CTNNA3: variants seen among roughly 807,000 people sequenced by gnomAD.
CTNNA3 encodes the protein catenin alpha 3.
Under a neutral mutation model 95.7 loss-of-function variants are expected in CTNNA3, and 76 were observed. The observed-to-expected ratio is 0.79, with a 90% CI of 0.66 to 0.96. The LOEUF (loss-of-function observed/expected upper bound fraction) is 0.96, where lower values mean the gene tolerates loss of function less well. Ranked by LOEUF, CTNNA3 falls within the 40% of genes least tolerant of loss-of-function variation. The pLI, the probability that CTNNA3 is intolerant of heterozygous loss-of-function variation, is 0.00. For missense variants in CTNNA3, 1,191 were observed against 1,089.8 expected (o/e 1.09, Z -1.31); for synonymous variants, 431 against 374.4 (o/e 1.15, Z -1.74).
At chr10:67,514,173 GC>G (rs533649786) in intron 5 of CTNNA3, among the ~76,000 whole-genome samples, 68 of 152,228 alleles carry the variant, frequency 4.5e-4, no homozygotes, top group African/African-American at 1.5e-3. Flanking sequence ...GGTGGTGGAT[GC>G]CTGTAATTCC....
At chr10:66,801,220 A>G (rs1271622525) in intron 7 of CTNNA3, among the ~76,000 whole-genome samples, 1 of 151,450 alleles carries the variant, frequency 6.6e-6, no homozygotes, top group African/African-American at 2.4e-5. Context: ...TGATTTACAG[A>G]CAACAAAATA....
At chr10:66,686,795 T>C (rs1232559608) in intron 9 of CTNNA3, among the ~76,000 whole-genome samples, 1 of 152,084 alleles carries the variant, frequency 6.6e-6, no homozygotes, top group African/African-American at 2.4e-5. Context: ...ATAAGGACAA[T>C]ACCATTTGAA....
At chr10:67,052,881 T>C (rs1425914546) in intron 7 of CTNNA3, among the ~76,000 whole-genome samples, 1 of 152,226 alleles carries the variant, frequency 6.6e-6, no homozygotes, top group Non-Finnish European at 1.5e-5. Flanking sequence ...GTAAGTTTCG[T>C]AAATTCTAAA....
chr10:66,435,449 T>C (rs569866866), intron 11 of CTNNA3, among the ~76,000 whole-genome samples: 65 of 152,318 alleles, frequency 4.3e-4, no homozygotes, highest in African/African-American at 1.5e-3. Flanking sequence ...GTGTTTATAG[T>C]ATTCTCTGAT....
At chr10:66,813,887 G>A (rs1286788457) in intron 7 of CTNNA3, among the ~76,000 whole-genome samples, 1 of 151,782 alleles carries the variant, frequency 6.6e-6, no homozygotes, top group African/African-American at 2.4e-5. Context: ...AGGAGACAGA[G>A]ACAGAGAAAT....
chr10:66,776,532 A>G (rs985073204), intron 7 of CTNNA3, among the ~76,000 whole-genome samples: 1 of 152,096 alleles, frequency 6.6e-6, no homozygotes, highest in African/African-American at 2.4e-5. Flanking sequence ...CCTAACAAGA[A>G]ATTTAAAAAC....
chr10:66,597,365 A>G (rs919686669), intron 10 of CTNNA3, among the ~76,000 whole-genome samples: 1 of 151,350 alleles, frequency 6.6e-6, no homozygotes, highest in Admixed American at 6.6e-5. Context: ...TAATCATATT[A>G]TTCAGTGGGA....
At chr10:66,309,788 A>G (rs2091986155) in intron 12 of CTNNA3, among the ~76,000 whole-genome samples, 2 of 149,912 alleles carry the variant, frequency 1.3e-5, no homozygotes, top group East Asian at 2.0e-4. Context: ...GGCCAAGTGC[A>G]GTGGCTCACG....
At chr10:66,360,804 C>CTTTCTTTCTTTCTTT (rs1564897149) in intron 12 of CTNNA3, among the ~76,000 whole-genome samples, 1 of 69,820 alleles carries the variant, frequency 1.4e-5, no homozygotes, top group Non-Finnish European at 2.9e-5. Flanking sequence ...TTCCTTCCTT[C>CTTTCTTTCTTTCTTT]CTTCCTTCCT....
intron 9 of CTNNA3, among the ~76,000 whole-genome samples, chr10:66,718,558 A>G (rs761869583): frequency 1.3e-5 from 2 of 151,656 alleles, no homozygotes; most frequent in African/African-American, 2.4e-5. Context: ...ACTGTGCAGC[A>G]ATACATGTTT....
intron 3 of CTNNA3, among the ~76,000 whole-genome samples, chr10:67,602,881 C>T (rs931767471): frequency 3.3e-5 from 5 of 152,038 alleles, no homozygotes; most frequent in Non-Finnish European, 5.9e-5. Flanking sequence ...GTTAATTTTC[C>T]GTAAAAGCAA....
chr10:67,454,693 C>T (rs538775218), intron 5 of CTNNA3, among the ~76,000 whole-genome samples: 4 of 151,646 alleles, frequency 2.6e-5, no homozygotes, highest in African/African-American at 9.7e-5. Flanking sequence ...ATGTTCAACT[C>T]TAACATTTTA....
intron 13 of CTNNA3, among the ~76,000 whole-genome samples, chr10:66,151,662 T>C (rs1338364710): frequency 6.6e-6 from 1 of 151,942 alleles, no homozygotes; most frequent in Non-Finnish European, 1.5e-5. Context: ...TTGCCTCTGT[T>C]CTTCAGCCAC....
intron 7 of CTNNA3, among the ~76,000 whole-genome samples, chr10:67,139,827 G>C (rs1287848987): frequency 6.6e-6 from 1 of 152,124 alleles, no homozygotes; most frequent in Admixed American, 6.5e-5. Context: ...TATCATTATG[G>C]TACAGAATTT....
rs1841222761 is a variant in CTNNA3, at chr10:67,726,463, ATG to A, written c.-2+36969_-2+36970del. On this transcript the variant is annotated intron_variant, in intron 1 of 17. Transcript: ENST00000684154. ...TAATATATAATATTATATATGATAT[ATG>A]ATATAATATTATATATTATATCATA... 3.5e-4 allele frequency among the ~76,000 whole-genome samples: 14 copies of A among 40,548 alleles called. No individual in the cohort carries two copies. In the South Asian group the frequency reaches 0.011, roughly 33 times the overall value. The allele number at this position is 40,548 out of a possible 152,430, so 26.6% of individuals were successfully genotyped here.
chr10:67,375,527 C>T (rs983060916), intron 5 of CTNNA3, among the ~76,000 whole-genome samples: 1 of 151,996 alleles, frequency 6.6e-6, no homozygotes, highest in Non-Finnish European at 1.5e-5. Flanking sequence ...GCAAGAGAAT[C>T]GCTTCAACTC....
intron 1 of CTNNA3, among the ~76,000 whole-genome samples, chr10:67,648,180 C>T (rs1839774703): frequency 1.3e-5 from 2 of 152,282 alleles, no homozygotes; most frequent in South Asian, 4.1e-4. Flanking sequence ...TTCTCTAAGG[C>T]ATTAACGTTA....
intron 5 of CTNNA3, among the ~76,000 whole-genome samples, chr10:67,385,119 T>A (rs909233832): frequency 6.6e-6 from 1 of 152,348 alleles, no homozygotes; most frequent in African/African-American, 2.4e-5. Context: ...GATTTGAATT[T>A]CTTTTCAATT....
In CTNNA3 at chr10:66,534,139, G is replaced by A. The variant is rs565777328; in HGVS notation, c.1375-13366C>T. ...GAGTTAGCAAAAGGTAAACATTAAA[G>A]TGTGATTTCCCCCATGGAACTGTTA... On this transcript the variant is annotated intron_variant, in intron 10 of 17. Transcript: ENST00000433211. 3.0e-4 allele frequency among the ~76,000 whole-genome samples: 45 copies of A among 152,232 alleles called. No individual in the cohort carries two copies. In the South Asian group the frequency reaches 8.5e-3, roughly 29 times the overall value.
Sources: allele counts gnomAD v4.1 joint callset (sites outside exome capture counted in the v4.1 genomes callset), GRCh38; gene constraint gnomAD v4.1.1; transcripts MANE v1.5; gene names NCBI Gene and HGNC (gene_info 2026-07-23, HGNC 2026-07-21).